EPCAM: variants seen among roughly 807,000 people sequenced by gnomAD.
The protein encoded by EPCAM is epithelial cell adhesion molecule.
In EPCAM, 39 loss-of-function variants were observed where a neutral mutation model predicts 40.0. That is an observed-to-expected ratio of 0.98 (90% CI 0.76 to 1.27). EPCAM has a LOEUF of 1.27. Ranked by LOEUF, EPCAM falls within the 50% of genes most tolerant of loss-of-function variation. The pLI is 0.00. For synonymous variants in EPCAM, 168 were observed against 132.3 expected (o/e 1.27, Z -1.85); for missense variants, 503 against 381.2 (o/e 1.32, Z -2.66).
intron 1 of EPCAM, among the ~76,000 whole-genome samples, chr2:47,371,091 C>T (rs1325286799): frequency 1.3e-5 from 2 of 152,306 alleles, no homozygotes; most frequent in African/African-American, 2.4e-5. Flanking sequence ...GTGATCACTC[C>T]GTCTGGGCCT....
At chr2:47,369,663 G>A (rs768899723) in intron 1 of EPCAM, 82 bp downstream of exon 1, 2 of 1,364,414 alleles carry the variant, frequency 1.5e-6, no homozygotes, top group South Asian at 1.2e-5. Context: ...CCCGAAACGG[G>A]CATAATAGGG....
At chr2:47,374,623 T>G (rs1671374203) in intron 3 of EPCAM, among the ~76,000 whole-genome samples, 1 of 152,114 alleles carries the variant, frequency 6.6e-6, no homozygotes, top group African/African-American at 2.4e-5. Context: ...GCCCTTTCTT[T>G]TGTTTTTTCT....
chr2:47,378,123 CG>C (rs1226036349), intron 5 of EPCAM, among the ~76,000 whole-genome samples: 5 of 151,710 alleles, frequency 3.3e-5, no homozygotes, highest in Non-Finnish European at 7.4e-5. Flanking sequence ...CCCAGCTACT[CG>C]GGAGGCTTGA....
chr2:47,378,299 C>CTTTTTT (rs70940676), intron 5 of EPCAM, among the ~76,000 whole-genome samples: 28 of 118,656 alleles, frequency 2.4e-4, no homozygotes, highest in Non-Finnish European at 3.7e-4. Context: ...TTTTTCTTTT[C>CTTTTTT]TTTTTTTTTT....
rs1380389671 is a variant in EPCAM at position 47,375,198 on chromosome 2, G to A, written c.426-36G>A. The A allele has an allele frequency of 3.4e-6, 5 of 1,455,380 alleles. No individual in the cohort carries two copies. In the East Asian group the frequency reaches 9.1e-5, roughly 26 times the overall value. 90.2% of individuals were successfully genotyped at this position (1,455,380 alleles called of 1,614,324 possible). A position where few individuals can be genotyped will look rare whatever the true frequency, so the allele number is the denominator to read the frequency against. ...TTAGGAAAATAGTATGGAAGACTGAGTTATAGTCAACTGACATTGTCTTTT... is the reference window on the plus strand; with the variant it reads ...TTAGGAAAATAGTATGGAAGACTGAATTATAGTCAACTGACATTGTCTTTT... On this transcript the variant is annotated intron_variant, in intron 3 of 8. Transcript: ENST00000263735.
Position 47,373,919 on chromosome 2 carries a change from G to T in EPCAM, c.296G>T (p.Cys99Phe). 1 of 1,614,096 alleles carries T rather than the reference G, an allele frequency of 6.2e-7. No homozygotes were observed. Among genetic ancestry groups the T allele is most frequent in the South Asian group, 1.1e-5 (1 of 91,072 alleles). ...AATGATGGGCTTTATGATCCTGACTGCGATGAGAGCGGGCTCTTTAAGGCC... is the reference window on the plus strand; with the variant it reads ...AATGATGGGCTTTATGATCCTGACTTCGATGAGAGCGGGCTCTTTAAGGCC... ...QNNDGLYDPD[C>F]DESGLFKAKQ... is the part of the protein sequence containing the mutation. Residue 99 changes from cysteine (C) to phenylalanine (F), a missense_variant, in exon 3 of 9, where the codon TGC becomes TTC. Cys to Phe is a radical substitution (Grantham distance 205, BLOSUM62 -2). Transcript: ENST00000263735.
Position 47,369,437 on chromosome 2 carries a change from A to G in EPCAM, c.-69A>G, listed in dbSNP as rs1052079647. The G allele has an allele frequency of 2.4e-5, 32 of 1,334,966 alleles. No homozygotes were observed. The African/African-American group carries it at 4.5e-4, about 19-fold the overall frequency. 82.7% of individuals were successfully genotyped at this position (1,334,966 alleles called of 1,614,324 possible). A position where few individuals can be genotyped will look rare whatever the true frequency, so the allele number is the denominator to read the frequency against. ...CTGCCCGGCCGGCTCCTCGTGTCCC[A>G]CTCCCGGCGCACGCCCTCCCGCGAG... On this transcript the variant is annotated 5_prime_UTR_variant, in exon 1 of 9. Coordinates refer to ENST00000263735, the MANE Select transcript of EPCAM (RefSeq NM_002354.3).
chr2:47,374,184 A>C, intron 3 of EPCAM, 136 bp downstream of exon 3: 1 of 1,029,256 alleles, frequency 9.7e-7, no homozygotes, highest in Non-Finnish European at 1.5e-6. Flanking sequence ...CTTCCTTCTC[A>C]TTCCAGTCCC....
rs771025657 is a variant in EPCAM, at chr2:47,369,541, G to A, written c.36G>A (p.Leu12=). 6.3e-7 allele frequency: 1 copy of A among 1,583,786 alleles called. No individual in the cohort carries two copies. Among genetic ancestry groups the A allele is most frequent in the Non-Finnish European group, 8.5e-7 (1 of 1,169,602 alleles). The change falls in exon 1 of 9, where the codon CTG becomes CTA. Residue 12 remains leucine (L), a synonymous_variant. Coordinates refer to ENST00000263735, the MANE Select transcript of EPCAM (RefSeq NM_002354.3). ...CGCAGGTCCTCGCGTTCGGGCTTCT[G>A]CTTGCCGCGGCGACGGCGACTTTTG... ...APPQVLAFGL[L]LAAATATFAA...
chr2:47,385,314 T>G, intron 8 of EPCAM, 104 bp downstream of exon 8: 1 of 934,566 alleles, frequency 1.1e-6, no homozygotes, highest in Non-Finnish European at 1.8e-6. Flanking sequence ...CTGGAGTCCC[T>G]TTATACTGTT....
chr2:47,382,051 A>T (rs1315624429), intron 7 of EPCAM, among the ~76,000 whole-genome samples: 8 of 152,208 alleles, frequency 5.3e-5, no homozygotes. Flanking sequence ...TACAGGCATG[A>T]GCCATTGCAC....
rs779694526 is a variant in EPCAM, at chr2:47,379,842, C to T, written c.731C>T (p.Pro244Leu). The change falls in exon 7 of 9, where the codon CCT becomes CTT. Residue 244 changes from proline to leucine, a missense_variant. Pro to Leu is a moderately conservative substitution (Grantham distance 98). Coordinates refer to ENST00000263735, the MANE Select transcript of EPCAM (RefSeq NM_002354.3). ...AATGGGGAACAACTGGATCTGGATC[C>T]TGGTCAAACTTTAATTTATTATGTT... The part of the protein sequence containing the change: ...TVNGEQLDLD[P>L]GQTLIYYVDE... The T allele has an allele frequency of 6.2e-7, 1 of 1,614,062 alleles. No homozygotes were observed. The highest frequency in any genetic ancestry group is 1.1e-5 in the South Asian group (1 of 91,074).
intron 7 of EPCAM, among the ~76,000 whole-genome samples, chr2:47,384,403 CTATTT>C (rs1190576504): frequency 2.0e-5 from 3 of 150,146 alleles, no homozygotes; most frequent in African/African-American, 4.9e-5. Context: ...CATGCCTGAC[CTATTT>C]TATTTTATTT....
chr2:47,377,724 A>G (rs757684808), intron 5 of EPCAM: 2 of 432,628 alleles, frequency 4.6e-6, no homozygotes, highest in Non-Finnish European at 9.3e-6. Flanking sequence ...CTTTTGGTAA[A>G]TACAGTTTTG....
In EPCAM at chr2:47,379,779, A is replaced by G. The variant is rs760783078; in HGVS notation, c.668A>G (p.Glu223Gly). 1.9e-6 allele frequency: 3 copies of G among 1,613,248 alleles called. No individual in the cohort carries two copies. The highest frequency in any genetic ancestry group is 2.2e-5 in the South Asian group (2 of 91,040). Residue 223 changes from glutamate to glycine, a missense_variant, in exon 7 of 9, where the codon GAA becomes GGA. By Grantham distance (98) the Glu-to-Gly change is moderately conservative (BLOSUM62 -2). Coordinates refer to ENST00000263735, the MANE Select transcript of EPCAM (RefSeq NM_002354.3). ...TCCTTTTCAATACAGGTTAAAGGTGAATCCTTGTTTCATTCTAAGAAAATG... is the reference window on the plus strand; with the variant it reads ...TCCTTTTCAATACAGGTTAAAGGTGGATCCTTGTTTCATTCTAAGAAAATG... ...AYYFEKDVKG[E>G]SLFHSKKMDL...
intron 5 of EPCAM, among the ~76,000 whole-genome samples, chr2:47,378,667 T>C (rs1176206129): frequency 3.3e-5 from 5 of 152,132 alleles, no homozygotes; most frequent in Non-Finnish European, 5.9e-5. Flanking sequence ...TACTTTCATA[T>C]CTTATTTAAA....
In EPCAM at chr2:47,379,873, A is replaced by G. The variant is rs863224390; in HGVS notation, c.762A>G (p.Glu254=). The G allele has an allele frequency of 5.0e-6, 8 of 1,614,084 alleles. No homozygotes were observed. Among genetic ancestry groups the G allele is most frequent in the Non-Finnish European group, 6.8e-6 (8 of 1,180,058 alleles). ...PGQTLIYYVD[E]KAPEFSMQGL... is the part of the protein sequence containing the mutation. ...AAACTTTAATTTATTATGTTGATGA[A>G]AAAGCACCTGAATTCTCAATGCAGG... Residue 254 remains glutamate (E), a synonymous_variant, in exon 7 of 9, where the codon GAA becomes GAG. Coordinates refer to ENST00000263735, the MANE Select transcript of EPCAM (RefSeq NM_002354.3).
In EPCAM at chr2:47,377,048, C is replaced by T. The variant is rs1671446378; in HGVS notation, c.526C>T (p.Leu176=). The T allele has an allele frequency of 1.2e-6, 2 of 1,610,276 alleles. No homozygotes were observed. Among genetic ancestry groups the T allele is most frequent in the African/African-American group, 2.7e-5 (2 of 74,816 alleles). The part of the protein sequence containing the change: ...LQKEITTRYQ[L]DPKFITSILY... ...GAAGGAGATCACAACGCGTTATCAA[C>T]TGGATCCAAAATTTATCACGAGTAT... Residue 176 remains leucine, a synonymous_variant, in exon 5 of 9, where the codon CTG becomes TTG. Coordinates refer to ENST00000263735, the MANE Select transcript of EPCAM (RefSeq NM_002354.3).
At chr2:47,384,370 G>A (rs1671679275) in intron 7 of EPCAM, among the ~76,000 whole-genome samples, 1 of 149,852 alleles carries the variant, frequency 6.7e-6, no homozygotes, top group Non-Finnish European at 1.5e-5. Context: ...TCTGAAAGTG[G>A]TAAGATTACA....
Sources: gnomAD v4.1 joint callset for allele counts (sites outside exome capture counted in the v4.1 genomes callset) on GRCh38, gnomAD v4.1.1 for gene constraint, MANE v1.5 for transcripts, NCBI Gene and HGNC (gene_info 2026-07-23, HGNC 2026-07-21) for gene names.